Variants in CD99 observed in about 807,000 individuals in gnomAD.
The protein encoded by CD99 is CD99 molecule (Xg blood group), also known as CD99 antigen.
Under a neutral mutation model 28.4 loss-of-function variants are expected in CD99, and 19 were observed. That is an observed-to-expected ratio of 0.67 (90% confidence interval 0.47 to 0.98). The LOEUF is 0.98. Among genes scored for constraint, CD99 ranks in the 50% least tolerant of loss-of-function variants. CD99 has a pLI of 0.00. For missense variants in CD99, 283 were observed against 248.8 expected (o/e 1.14, Z -0.92); for synonymous variants, 103 against 92.1 (o/e 1.12, Z -0.67).
At position 2,741,024 on chromosome X, in the gene CD99, C is replaced by A; in HGVS notation, c.*220C>A. 1.7e-6 allele frequency: 1 copy of A among 603,782 alleles called. No individual in the cohort carries two copies. The highest frequency in any genetic ancestry group is 3.0e-6 in the Non-Finnish European group (1 of 336,480). The allele number at this position is 603,782 out of a possible 1,614,324, so 37.4% of individuals were successfully genotyped here. On this transcript the variant is annotated 3_prime_UTR_variant, in exon 10 of 10. Transcript: ENST00000381192. ...AAAGGGGGATAGGCACTTGGACCCCCATTCTCCAAGGCCCGGGGGGGCGGT... is the reference window on the plus strand; with the variant it reads ...AAAGGGGGATAGGCACTTGGACCCCAATTCTCCAAGGCCCGGGGGGGCGGT...
chrX:2,722,545 A>C (rs367814886), intron 5 of CD99, 82 bp from the exon 6 acceptor site: 16 of 1,261,786 alleles, frequency 1.3e-5, no homozygotes, highest in East Asian at 1.2e-4. Flanking sequence ...GCCGGTTTTC[A>C]TGAGTTTTTC....
chrX:2,697,842 C>G (rs2047647651), intron 1 of CD99, among the ~76,000 whole-genome samples: 1 of 151,920 alleles, frequency 6.6e-6, no homozygotes, highest in South Asian at 2.1e-4. Context: ...ATGTTCTCAG[C>G]AATTGAACAC....
rs28634260 is a variant in CD99 at position 2,723,279 on chromosome X, A to C, written c.311-35A>C. On this transcript the variant is annotated intron_variant, in intron 6 of 9. Transcript: ENST00000381192. ...GCTGTGAATTTTTCCTTGACCCCAA[A>C]CCTTCCCATTGCAGACGTTGTTTTT... 13,470 of 1,612,760 alleles carry C rather than the reference A, an allele frequency of 8.4e-3. 983 individuals carry two copies. In the African/African-American group the frequency reaches 0.16, roughly 19 times the overall value.
At chrX:2,721,038 G>A (rs1256164429) in intron 5 of CD99, among the ~76,000 whole-genome samples, 1 of 152,120 alleles carries the variant, frequency 6.6e-6, no homozygotes, top group Non-Finnish European at 1.5e-5. Context: ...CACATTCCTT[G>A]TGGAGAAGCT....
intron 1 of CD99, 149 bp from the exon 2 acceptor site, chrX:2,714,273 A>G: frequency 3.4e-6 from 2 of 592,876 alleles, no homozygotes; most frequent in Non-Finnish European, 5.9e-6. Context: ...ATTTAGAATG[A>G]GAAGAGAAAT....
At chrX:2,700,522 A>G (rs2047798653) in intron 1 of CD99, among the ~76,000 whole-genome samples, 1 of 151,346 alleles carries the variant, frequency 6.6e-6, no homozygotes, top group African/African-American at 2.4e-5. Context: ...CCATTCATCC[A>G]TGCATCCATC....
intron 1 of CD99, among the ~76,000 whole-genome samples, chrX:2,699,905 A>G (rs1437267997): frequency 1.3e-5 from 2 of 152,148 alleles, no homozygotes; most frequent in Non-Finnish European, 2.9e-5. Flanking sequence ...TATGCCATGG[A>G]TTACATTTTT....
intron 1 of CD99, among the ~76,000 whole-genome samples, chrX:2,695,688 C>G (rs1240462921): frequency 6.7e-6 from 1 of 149,350 alleles, no homozygotes; most frequent in Non-Finnish European, 1.5e-5. Context: ...GGCTGGAGTG[C>G]AATGGCAGGA....
At chrX:2,715,813 G>A (rs1205883968) in intron 2 of CD99, among the ~76,000 whole-genome samples, 1 of 152,068 alleles carries the variant, frequency 6.6e-6, no homozygotes, top group African/African-American at 2.4e-5. Flanking sequence ...CTTTGTGAAC[G>A]CTGGTCTCTT....
chrX:2,730,373 C>T (rs774478211), intron 8 of CD99, among the ~76,000 whole-genome samples: 1 of 151,932 alleles, frequency 6.6e-6, no homozygotes, highest in Non-Finnish European at 1.5e-5. Context: ...GGAGTTTTGC[C>T]GTGTTAGCCA....
chrX:2,719,619 C>T (rs764037443), intron 3 of CD99, 42 bp from the exon 4 acceptor site: 6 of 1,571,456 alleles, frequency 3.8e-6, no homozygotes, highest in East Asian at 4.5e-5. Flanking sequence ...TTCCTCGTTT[C>T]TCTCTGGAAT....
chrX:2,724,345 C>T (rs1054951002), intron 7 of CD99, among the ~76,000 whole-genome samples: 1 of 152,162 alleles, frequency 6.6e-6, no homozygotes, highest in Non-Finnish European at 1.5e-5. Context: ...AACACACCAC[C>T]GACAGGCCAT....
chrX:2,699,971 T>C (rs1397437186), intron 1 of CD99, among the ~76,000 whole-genome samples: 1 of 152,256 alleles, frequency 6.6e-6, no homozygotes, highest in African/African-American at 2.4e-5. Context: ...ATATTTCTCA[T>C]GGGCCTTTTG....
Position 2,726,308 on chromosome X carries a change from C to T in CD99, c.410C>T (p.Ala137Val). Reference sequence around the variant, plus strand: ...GGGATTGTGGGGGCTGTCGTGGTCGCCGTGGCTGGAGCCATCTCTAGCTTC... The same window carrying T: ...GGGATTGTGGGGGCTGTCGTGGTCGTCGTGGCTGGAGCCATCTCTAGCTTC... ...IPGIVGAVVV[A>V]VAGAISSFIA... The change falls in exon 8 of 10, where the codon GCC becomes GTC. Residue 137 changes from alanine to valine, a missense_variant. Ala to Val is a moderately conservative substitution (Grantham distance 64). Transcript: ENST00000381192. 1 of 1,612,136 alleles carries T rather than the reference C, an allele frequency of 6.2e-7. No individual in the cohort carries two copies. Among genetic ancestry groups the T allele is most frequent in the Non-Finnish European group, 8.5e-7 (1 of 1,179,728 alleles).
chrX:2,713,868 G>A (rs2048562021), intron 1 of CD99, among the ~76,000 whole-genome samples: 1 of 152,186 alleles, frequency 6.6e-6, no homozygotes, highest in Admixed American at 6.5e-5. Context: ...GGCCAGCCAC[G>A]TTGAAGTAGC....
At chrX:2,726,457 C>A in intron 8 of CD99, 84 bp downstream of exon 8, 1 of 872,634 alleles carries the variant, frequency 1.1e-6, no homozygotes. Flanking sequence ...AAACCAAACT[C>A]GGGCTGGCAC....
intron 1 of CD99, 51 bp from the exon 2 acceptor site, chrX:2,714,371 A>ATTTATT: frequency 7.0e-7 from 1 of 1,421,648 alleles, no homozygotes; most frequent in Non-Finnish European, 9.8e-7. Context: ...TAATATTCAA[A>ATTTATT]TTTATTTTTA....
At chrX:2,733,394 C>G in intron 8 of CD99, 1 of 1,592,178 alleles carries the variant, frequency 6.3e-7, no homozygotes, top group Non-Finnish European at 8.6e-7. Flanking sequence ...GAACCCAGCC[C>G]AGGCCTGCGG....
At chrX:2,710,983 G>C (rs1228224049) in intron 1 of CD99, among the ~76,000 whole-genome samples, 1 of 142,412 alleles carries the variant, frequency 7.0e-6, no homozygotes, top group Admixed American at 7.6e-5. Context: ...CGATTTTCCT[G>C]CCTCAGCCTC....
Sources: allele counts gnomAD v4.1 joint callset (sites outside exome capture counted in the v4.1 genomes callset), GRCh38; gene constraint gnomAD v4.1.1; transcripts MANE v1.5; gene names NCBI Gene and HGNC (gene_info 2026-07-23, HGNC 2026-07-21).